COLEC11: variants seen among roughly 807,000 people sequenced by gnomAD.
COLEC11 encodes the protein collectin-11.
A neutral mutation model predicts 27.3 loss-of-function variants in COLEC11; 20 were observed. The ratio of observed to expected loss-of-function variants is 0.73; its 90% confidence interval spans 0.51 to 1.06. The LOEUF (loss-of-function observed/expected upper bound fraction) is 1.06, where lower values mean the gene tolerates loss of function less well. COLEC11 is among the 50% of genes least tolerant of loss of function. The pLI is 0.00. For missense variants in COLEC11, 310 were observed against 383.0 expected (o/e 0.81, Z 1.59); for synonymous variants, 163 against 154.7 (o/e 1.05, Z -0.40).
intron 1 of COLEC11, chr2:3,603,931 G>A (rs982567693): frequency 8.4e-5 from 48 of 574,340 alleles, no homozygotes; most frequent in East Asian, 5.5e-4. Context: ...GCCTCCCTCC[G>A]CTGTGCCCAG....
intron 1 of COLEC11, 191 bp from the exon 2 acceptor site, chr2:3,604,124 G>T (rs933048222): frequency 1.5e-6 from 1 of 650,946 alleles, no homozygotes; most frequent in Non-Finnish European, 2.7e-6. Context: ...TGACCCTGGG[G>T]CTGCTGTGGA....
Position 3,625,625 on chromosome 2 carries a change from C to CTTTTTTTTTT in COLEC11, c.203-11898_203-11889dup, listed in dbSNP as rs60222284. Among the ~76,000 whole-genome samples, 421 of 91,428 alleles carry CTTTTTTTTTT rather than the reference C, an allele frequency of 4.6e-3. 33 individuals are homozygous for CTTTTTTTTTT. The highest frequency in any genetic ancestry group is 0.011 in the African/African-American group (230 of 20,852). 60.0% of individuals were successfully genotyped at this position (91,428 alleles called of 152,430 possible). Reference sequence around the variant, plus strand: ...GGAAAGTTTCTTTTCTTCTTTTTTACTTTTTTTTTTTTTTTTTTTGAGACA... The same window carrying CTTTTTTTTTT: ...GGAAAGTTTCTTTTCTTCTTTTTTACTTTTTTTTTTTTTTTTTTTTTTTTTTTTTGAGACA... On this transcript the variant is annotated intron_variant, in intron 3 of 6. Transcript: ENST00000349077.
chr2:3,612,710 G>T (rs1247942002), intron 2 of COLEC11, among the ~76,000 whole-genome samples: 1 of 152,090 alleles, frequency 6.6e-6, no homozygotes, highest in Admixed American at 6.5e-5. Context: ...ACTGTGCCTT[G>T]TAGGGTGTCT....
chr2:3,608,755 A>G (rs1490330160), intron 2 of COLEC11, among the ~76,000 whole-genome samples: 2 of 152,264 alleles, frequency 1.3e-5, no homozygotes, highest in Admixed American at 6.5e-5. Context: ...ATGCGTGGAC[A>G]GGGCAAGTCT....
intron 1 of COLEC11, chr2:3,603,751 G>A: frequency 4.5e-6 from 6 of 1,332,814 alleles, no homozygotes; most frequent in Non-Finnish European, 6.3e-6. Flanking sequence ...CAGGCCCCTG[G>A]GTTCCTAAGG....
chr2:3,634,445 C>G (rs1665235003), intron 3 of COLEC11, among the ~76,000 whole-genome samples: 1 of 152,222 alleles, frequency 6.6e-6, no homozygotes, highest in Non-Finnish European at 1.5e-5. Context: ...GCCATGAGAA[C>G]TGACTGTACC....
Position 3,644,569 on chromosome 2 carries a change from TATC to T in COLEC11, c.*452_*454del, listed in dbSNP as rs1187056826. The T allele has an allele frequency of 7.6e-6, 3 of 395,432 alleles. No individual in the cohort carries two copies. Among genetic ancestry groups the T allele is most frequent in the Admixed American group, 3.3e-5 (1 of 30,618 alleles). The allele number at this position is 395,432 out of a possible 1,614,324, so 24.5% of individuals were successfully genotyped here. A position where few individuals can be genotyped will look rare whatever the true frequency, so the allele number is the denominator to read the frequency against. On this transcript the variant is annotated 3_prime_UTR_variant, in exon 7 of 7. Coordinates refer to ENST00000349077, the MANE Select transcript of COLEC11 (RefSeq NM_024027.5). ...TACAATATAGGTTCCTTCACACTATTATCCATGTAAAAACAATTTTGCTTTGCT... is the reference window on the plus strand; with the variant it reads ...TACAATATAGGTTCCTTCACACTATTCATGTAAAAACAATTTTGCTTTGCT...
intron 5 of COLEC11, among the ~76,000 whole-genome samples, chr2:3,642,351 G>A (rs1314365635): frequency 6.6e-6 from 1 of 152,138 alleles, no homozygotes; most frequent in East Asian, 1.9e-4. Context: ...TGAGCTCATT[G>A]AGAATGAGAT....
intron 3 of COLEC11, among the ~76,000 whole-genome samples, chr2:3,635,909 C>A (rs550117588): frequency 5.9e-5 from 9 of 152,256 alleles, no homozygotes; most frequent in Admixed American, 2.6e-4. Flanking sequence ...TGCATGTGAA[C>A]GTGCTTTGTG....
chr2:3,638,387 T>G (rs1046843474), intron 4 of COLEC11, among the ~76,000 whole-genome samples: 1 of 152,182 alleles, frequency 6.6e-6, no homozygotes. Context: ...TGTGGACTCA[T>G]GAAGTCTCCT....
At chr2:3,625,904 A>G (rs1664520972) in intron 3 of COLEC11, 2 of 1,019,252 alleles carry the variant, frequency 2.0e-6, no homozygotes, top group Non-Finnish European at 3.1e-6. Context: ...AAGTGCCGGG[A>G]TTATAGGCAT....
chr2:3,595,268 C>T (rs1029562689), intron 1 of COLEC11, 100 bp downstream of exon 1: 5 of 198,944 alleles, frequency 2.5e-5, no homozygotes, highest in African/African-American at 1.2e-4. Context: ...GAGGTGGGCT[C>T]CTGCTGAGCG....
Position 3,602,923 on chromosome 2 carries a change from GTCTC to G in COLEC11, c.-26-1390_-26-1387del, listed in dbSNP as rs1182039423. On this transcript the variant is annotated intron_variant, in intron 1 of 6. Coordinates refer to ENST00000349077, the MANE Select transcript of COLEC11 (RefSeq NM_024027.5). The surrounding 1 kb of genome is among the most constrained non-coding windows in gnomAD (Gnocchi z 6.2). ...ACGGCGCTTACCCCTGCCTCTGTCT[GTCTC>G]TGTCTGTCTGTCTGTCTGTCTCTTC... Among the ~76,000 whole-genome samples the G allele has an allele frequency of 6.6e-6, 1 of 152,128 alleles. No individual in the cohort carries two copies. The highest frequency in any genetic ancestry group is 6.5e-5 in the Admixed American group (1 of 15,270).
At chr2:3,609,420 A>C (rs1307382645) in intron 2 of COLEC11, among the ~76,000 whole-genome samples, 103 of 120,584 alleles carry the variant, frequency 8.5e-4, no homozygotes, top group Middle Eastern at 0.014. Context: ...CTCAGGCTGG[A>C]GTGCAGTGGT....
Position 3,637,622 on chromosome 2 carries a change from C to G in COLEC11, c.274+18C>G. ...CTCTAAAGGTATTTGCAATGCGATT[C>G]TTGCCTCATTTCCCCCCTGCCCCTA... is the stretch of plus-strand genomic sequence containing the variant. On this transcript the variant is annotated intron_variant, in intron 4 of 6. Coordinates refer to ENST00000349077, the MANE Select transcript of COLEC11 (RefSeq NM_024027.5). 6.2e-7 allele frequency: 1 copy of G among 1,605,336 alleles called. No individual in the cohort carries two copies. Among genetic ancestry groups the G allele is most frequent in the Non-Finnish European group, 8.5e-7 (1 of 1,171,952 alleles).
intron 1 of COLEC11, among the ~76,000 whole-genome samples, chr2:3,596,918 C>A (rs1661874551): frequency 6.6e-6 from 1 of 152,252 alleles, no homozygotes; most frequent in Admixed American, 6.5e-5. Context: ...CCTGTGCCTA[C>A]CTGCCCTGGT....
chr2:3,632,049 C>T (rs761776841), intron 3 of COLEC11, among the ~76,000 whole-genome samples: 5 of 152,192 alleles, frequency 3.3e-5, no homozygotes, highest in African/African-American at 7.2e-5. Flanking sequence ...GTGAAATCCA[C>T]GCCATCAGTG....
intron 3 of COLEC11, among the ~76,000 whole-genome samples, chr2:3,631,527 G>A (rs1445561726): frequency 6.6e-6 from 1 of 152,198 alleles, no homozygotes; most frequent in Non-Finnish European, 1.5e-5. Context: ...GCAAGGCTGA[G>A]GGGACCGTGG....
At position 3,637,958 on chromosome 2, in the gene COLEC11, C is replaced by A. The variant is rs533733405; in HGVS notation, c.274+354C>A. On this transcript the variant is annotated intron_variant, in intron 4 of 6. Coordinates refer to ENST00000349077, the MANE Select transcript of COLEC11 (RefSeq NM_024027.5). ...AGCCTCACGTAAGGAGCGGACGCAC[C>A]CTGCTCTGGAGGCACGGCATCTGTT... 1.6e-3 allele frequency among the ~76,000 whole-genome samples: 246 copies of A among 152,282 alleles called. 8 individuals carry two copies. The South Asian group carries it at 0.046, about 29-fold the overall frequency.
Sources: allele counts gnomAD v4.1 joint callset (sites outside exome capture counted in the v4.1 genomes callset), GRCh38; gene constraint gnomAD v4.1.1; non-coding constraint Gnocchi (gnomAD v3.1); transcripts MANE v1.5; gene names NCBI Gene and HGNC (gene_info 2026-07-23, HGNC 2026-07-21).